The following IPO5 variants were observed in gnomAD, a reference collection of about 807,000 sequenced individuals.
IPO5 encodes importin 5, also known as importin-5.
A neutral mutation model predicts 143.3 loss-of-function variants in IPO5; 18 were observed. The observed-to-expected ratio is 0.13, with a 90% CI of 0.09 to 0.19. IPO5 has a LOEUF of 0.19. IPO5 is among the 10% of genes least tolerant of loss of function. IPO5 has a pLI of 1.00. For synonymous variants in IPO5, 477 were observed against 465.7 expected (o/e 1.02, Z -0.31); for missense variants, 1,013 against 1,336.9 (o/e 0.76, Z 3.78).
chr13:97,990,334 G>T, intron 8 of IPO5, 99 bp from the exon 9 acceptor site: 1 of 1,159,646 alleles, frequency 8.6e-7, no homozygotes, highest in South Asian at 1.3e-5. Flanking sequence ...ACAAACACCA[G>T]TTTTACTGAT....
At chr13:98,006,936 G>T (rs1820766468) in intron 17 of IPO5, among the ~76,000 whole-genome samples, 1 of 149,554 alleles carries the variant, frequency 6.7e-6, no homozygotes, top group Non-Finnish European at 1.5e-5. Flanking sequence ...CATGATCCTG[G>T]CTCACTGCAA....
intron 24 of IPO5, 118 bp from the exon 25 acceptor site, chr13:98,016,611 A>G (rs1182319105): frequency 2.5e-5 from 14 of 552,802 alleles, no homozygotes; most frequent in Non-Finnish European, 3.8e-5. Flanking sequence ...ATTTACCCTT[A>G]AAACAGGAAT....
At chr13:97,993,370 A>G in intron 11 of IPO5, 145 bp downstream of exon 11, 9 of 699,266 alleles carry the variant, frequency 1.3e-5, no homozygotes, top group Non-Finnish European at 1.9e-5. Flanking sequence ...ATGCATCTCA[A>G]TACATGCAAG....
At chr13:97,987,108 G>T in intron 6 of IPO5, 1 of 168,962 alleles carries the variant, frequency 5.9e-6, no homozygotes, top group South Asian at 1.8e-4. Flanking sequence ...GATCTGTGCA[G>T]GCAGAACCCA....
At chr13:97,956,368 GAT>G (rs1289900742) in intron 2 of IPO5, among the ~76,000 whole-genome samples, 2 of 152,156 alleles carry the variant, frequency 1.3e-5, no homozygotes, top group East Asian at 3.9e-4. Flanking sequence ...TTAAAAATCT[GAT>G]ATATAAAAAA....
chr13:97,961,558 G>A (rs904358506), intron 2 of IPO5, among the ~76,000 whole-genome samples: 11 of 152,152 alleles, frequency 7.2e-5, no homozygotes, highest in African/African-American at 1.7e-4. Context: ...AAGTATGAGC[G>A]TTTGAATTTC....
chr13:97,999,175 A>G (rs1888549392), intron 12 of IPO5, among the ~76,000 whole-genome samples: 1 of 152,162 alleles, frequency 6.6e-6, no homozygotes, highest in Non-Finnish European at 1.5e-5. Flanking sequence ...TATTCTCCTG[A>G]AAGACTTGGA....
Position 98,012,391 on chromosome 13 carries a change from G to A in IPO5, c.2152+49G>A, listed in dbSNP as rs183512237. 160 of 1,124,694 alleles carry A rather than the reference G, an allele frequency of 1.4e-4. No homozygotes were observed. The Middle Eastern group carries it at 1.8e-3, about 12-fold the overall frequency. The allele number at this position is 1,124,694 out of a possible 1,614,324, so 69.7% of individuals were successfully genotyped here. A position where few individuals can be genotyped will look rare whatever the true frequency, so the allele number is the denominator to read the frequency against. On this transcript the variant is annotated intron_variant, in intron 21 of 28. Transcript: ENST00000651721. ...AAACATGTCTAGATTTAGTAAACTTGTAGTTTCTTGGAGTATTAGACAGTG... is the reference window on the plus strand; with the variant it reads ...AAACATGTCTAGATTTAGTAAACTTATAGTTTCTTGGAGTATTAGACAGTG...
chr13:97,979,778 C>G (rs1886690839), intron 4 of IPO5: 1 of 413,358 alleles, frequency 2.4e-6, no homozygotes, highest in African/African-American at 2.0e-5. Context: ...GTGATCCTCC[C>G]ATCTCCCAAA....
At chr13:98,019,879 C>A (rs1438859171) in intron 27 of IPO5, 70 bp downstream of exon 27, 7 of 1,030,534 alleles carry the variant, frequency 6.8e-6, no homozygotes, top group Non-Finnish European at 1.1e-5. Context: ...TGCCTAACAT[C>A]AGTCTTTTAA....
intron 3 of IPO5, 35 bp downstream of exon 3, chr13:97,969,865 G>A: frequency 6.4e-7 from 1 of 1,552,300 alleles, no homozygotes; most frequent in African/African-American, 1.4e-5. Flanking sequence ...GTCACTTCCT[G>A]TTTTGTTTTT....
chr13:98,024,152 T>C lies in IPO5; in HGVS notation c.*2330T>C, dbSNP rs1352338834. On this transcript the variant is annotated 3_prime_UTR_variant, in exon 29 of 29. Transcript: ENST00000651721. Reference sequence around the variant, plus strand: ...TTGGCATAACTCAATTTGGAGTATTTTTTAAATGCTGTATCTTTAAAGAAA... The same window carrying C: ...TTGGCATAACTCAATTTGGAGTATTCTTTAAATGCTGTATCTTTAAAGAAA... 1 of 152,210 alleles carries C rather than the reference T, an allele frequency of 6.6e-6. No homozygotes were observed. Among genetic ancestry groups the C allele is most frequent in the East Asian group, 1.9e-4 (1 of 5,200 alleles). The allele number at this position is 152,210 out of a possible 1,614,324, so 9.4% of individuals were successfully genotyped here.
intron 2 of IPO5, among the ~76,000 whole-genome samples, chr13:97,958,026 A>G (rs1340305366): frequency 6.6e-6 from 1 of 152,178 alleles, no homozygotes; most frequent in Non-Finnish European, 1.5e-5. Context: ...AACCCTTGCA[A>G]TCAGAAAGAA....
At chr13:97,974,025 T>C (rs1457713999) in intron 3 of IPO5, among the ~76,000 whole-genome samples, 2 of 152,182 alleles carry the variant, frequency 1.3e-5, no homozygotes, top group African/African-American at 4.8e-5. Context: ...ATCACACCAC[T>C]GCTCTCCACC....
intron 11 of IPO5, among the ~76,000 whole-genome samples, chr13:97,996,530 A>C (rs181810565): frequency 4.6e-5 from 7 of 152,188 alleles, no homozygotes; most frequent in Non-Finnish European, 1.0e-4. Context: ...ATTTTTGTGA[A>C]ATAACGGAGA....
intron 11 of IPO5, 82 bp downstream of exon 11, chr13:97,993,307 A>C: frequency 8.7e-7 from 1 of 1,151,398 alleles, no homozygotes; most frequent in Non-Finnish European, 1.3e-6. Context: ...GTGATTTCTC[A>C]GATTGTTGAG....
At chr13:97,991,364 G>T (rs915102792) in intron 9 of IPO5, among the ~76,000 whole-genome samples, 6 of 152,142 alleles carry the variant, frequency 3.9e-5, no homozygotes, top group African/African-American at 1.4e-4. Context: ...CTGTACAAAT[G>T]CAATAGCTAA....
At chr13:98,014,252 T>G (rs186701732) in intron 22 of IPO5, 38 bp downstream of exon 22, 1 of 1,419,054 alleles carries the variant, frequency 7.0e-7, no homozygotes, top group Admixed American at 2.0e-5. Flanking sequence ...TATAAGGTTG[T>G]ATGTTCATTT....
rs1200140748 is a variant in IPO5, at chr13:97,976,774, G to C, written c.78G>C (p.Arg26=). ...TGCTCAGCCCCGACAATGTGGTCCG[G>C]AAACAGGCAGAGGTAACCGAGTTCG... ...GNLLSPDNVV[R]KQAEETYENI... The change falls in exon 4 of 29, where the codon CGG becomes CGC. Residue 26 remains arginine (R), a synonymous_variant. Transcript: ENST00000651721. 28 of 1,392,152 alleles carry C rather than the reference G, an allele frequency of 2.0e-5. No individual in the cohort carries two copies. Among genetic ancestry groups the C allele is most frequent in the Non-Finnish European group, 2.3e-5 (24 of 1,044,030 alleles). 86.2% of individuals were successfully genotyped at this position (1,392,152 alleles called of 1,614,324 possible). A position where few individuals can be genotyped will look rare whatever the true frequency, so the allele number is the denominator to read the frequency against.
Sources: gnomAD v4.1 joint callset for allele counts (sites outside exome capture counted in the v4.1 genomes callset) on GRCh38, gnomAD v4.1.1 for gene constraint, MANE v1.5 for transcripts, NCBI Gene and HGNC (gene_info 2026-07-23, HGNC 2026-07-21) for gene names.